Variants in ZFAND3 observed in about 807,000 individuals in gnomAD.
ZFAND3 encodes AN1-type zinc finger protein 3.
In ZFAND3, 10 loss-of-function variants were observed where a neutral mutation model predicts 29.6. That is an observed-to-expected ratio of 0.34 (90% CI 0.21 to 0.57). ZFAND3 has a LOEUF of 0.57. ZFAND3 is among the 20% of genes least tolerant of loss of function. The pLI is 0.86. For synonymous variants in ZFAND3, 128 were observed against 112.6 expected (o/e 1.14, Z -0.87); for missense variants, 230 against 304.5 (o/e 0.76, Z 1.82).
intron 2 of ZFAND3, among the ~76,000 whole-genome samples, chr6:38,020,814 A>G (rs1763335827): frequency 6.6e-6 from 1 of 152,150 alleles, no homozygotes; most frequent in Non-Finnish European, 1.5e-5. Context: ...TATGTCCACT[A>G]CTTTCCACCT....
chr6:38,056,300 A>C (rs1209005747), intron 2 of ZFAND3, among the ~76,000 whole-genome samples: 1 of 152,230 alleles, frequency 6.6e-6, no homozygotes, highest in East Asian at 1.9e-4. Context: ...CCTTGCTAAG[A>C]GGAAAAAAAT....
chr6:37,991,170 C>T (rs1762752280), intron 2 of ZFAND3, among the ~76,000 whole-genome samples: 1 of 152,092 alleles, frequency 6.6e-6, no homozygotes, highest in Non-Finnish European at 1.5e-5. Context: ...TTCTTAAAAG[C>T]TAGTCACGTG....
At chr6:37,830,549 C>T (rs1763841253) in intron 1 of ZFAND3, among the ~76,000 whole-genome samples, 2 of 152,196 alleles carry the variant, frequency 1.3e-5, no homozygotes, top group Admixed American at 1.3e-4. Context: ...CAGCAGCTTT[C>T]AGCAAAATTG....
chr6:37,831,025 T>C (rs1476444211), intron 1 of ZFAND3, among the ~76,000 whole-genome samples: 1 of 152,160 alleles, frequency 6.6e-6, no homozygotes, highest in Non-Finnish European at 1.5e-5. Context: ...TGATCTCTTA[T>C]CTCCAGAAAA....
chr6:37,954,324 A>T (rs1762048751), intron 2 of ZFAND3, among the ~76,000 whole-genome samples: 1 of 152,174 alleles, frequency 6.6e-6, no homozygotes, highest in African/African-American at 2.4e-5. Flanking sequence ...CCATCACTTG[A>T]AGGAGATAAC....
chr6:37,830,949 C>G (rs1763848834), intron 1 of ZFAND3, among the ~76,000 whole-genome samples: 1 of 152,080 alleles, frequency 6.6e-6, no homozygotes, highest in African/African-American at 2.4e-5. Context: ...TGCTGAGAGG[C>G]TGATGAAGGG....
At chr6:37,931,079 G>T (rs1761585555) in intron 2 of ZFAND3, among the ~76,000 whole-genome samples, 1 of 152,172 alleles carries the variant, frequency 6.6e-6, no homozygotes, top group Non-Finnish European at 1.5e-5. Flanking sequence ...GTGCCTGTTA[G>T]CTGACACTGT....
At chr6:37,870,292 C>CA (rs1174577231) in intron 1 of ZFAND3, among the ~76,000 whole-genome samples, 635 of 33,430 alleles carry the variant, frequency 0.019, 120 homozygotes, top group African/African-American at 0.045. Flanking sequence ...GAGACTGTCT[C>CA]AAAAAAAAAA....
intron 1 of ZFAND3, among the ~76,000 whole-genome samples, chr6:37,858,390 G>T (rs376981915): frequency 6.6e-6 from 1 of 152,228 alleles, no homozygotes; most frequent in Non-Finnish European, 1.5e-5. Context: ...ACATGTGGTT[G>T]TAAGAAGGGT....
At chr6:37,908,548 A>AG (rs1189881818) in intron 1 of ZFAND3, among the ~76,000 whole-genome samples, 1 of 114,310 alleles carries the variant, frequency 8.7e-6, no homozygotes, top group Non-Finnish European at 1.7e-5. Context: ...AAATTAAAAA[A>AG]AAAAAAAAAA....
chr6:38,082,409 A>G lies in ZFAND3; in HGVS notation c.313A>G (p.Thr105Ala), dbSNP rs367860851. Residue 105 changes from threonine to alanine, a missense_variant, in exon 4 of 6, where the codon ACA (threonine) becomes GCA (alanine). Around this residue, in one of 2 missense-constraint regions of ZFAND3, gnomAD observed 180 missense variants for 202.5 expected, o/e 0.89. Coordinates refer to ENST00000287218, the MANE Select transcript of ZFAND3 (RefSeq NM_021943.3). The part of the protein sequence containing the change: ...SKEECGPCTD[T>A]AHVSLITPTK... ...GTTTCTAGGTGGGCCATGCACAGAC[A>G]CAGCTCATGTCTCATTAATCACACC... 227 of 1,612,106 alleles carry G rather than the reference A, an allele frequency of 1.4e-4. No homozygotes were observed. The highest frequency in any genetic ancestry group is 1.6e-4 in the Non-Finnish European group (194 of 1,178,956).
chr6:38,053,399 C>T lies in ZFAND3; in HGVS notation c.113-8194C>T, dbSNP rs146567346. Among the ~76,000 whole-genome samples the T allele has an allele frequency of 6.4e-3, 956 of 150,524 alleles. 6 individuals are homozygous for T. The highest frequency in any genetic ancestry group is 0.017 in the Middle Eastern group (5 of 294). ...ACAAAGATTTCAATTAAGATGTTAT[C>T]GAGTCTGGGCATGGTGTCTCATTCC... On this transcript the variant is annotated intron_variant, in intron 2 of 5. Transcript: ENST00000287218.
At position 37,869,003 on chromosome 6, in the gene ZFAND3, A is replaced by C. The variant is rs115349503; in HGVS notation, c.71+48987A>C. On this transcript the variant is annotated intron_variant, in intron 1 of 5. Coordinates refer to ENST00000287218, the MANE Select transcript of ZFAND3 (RefSeq NM_021943.3). ...GATAACAAATTCAGTTAGTAGAGTT[A>C]GGGCTATTAGGATTTTTTAGTCTAT... 9.4e-3 allele frequency among the ~76,000 whole-genome samples: 1,433 copies of C among 152,336 alleles called. 18 individuals are homozygous for C. The highest frequency in any genetic ancestry group is 0.033 in the African/African-American group (1,379 of 41,570).
chr6:38,052,061 G>A (rs1222965105), intron 2 of ZFAND3, among the ~76,000 whole-genome samples: 1 of 152,168 alleles, frequency 6.6e-6, no homozygotes, highest in Non-Finnish European at 1.5e-5. Flanking sequence ...TAATTTCAGT[G>A]ATAAACTAGA....
At chr6:37,916,904 A>G (rs891710398) in intron 1 of ZFAND3, among the ~76,000 whole-genome samples, 4 of 152,296 alleles carry the variant, frequency 2.6e-5, no homozygotes, top group Non-Finnish European at 5.9e-5. Flanking sequence ...TAACCACACT[A>G]TGTATACACT....
intron 4 of ZFAND3, among the ~76,000 whole-genome samples, chr6:38,094,190 G>A (rs1343634114): frequency 6.6e-6 from 1 of 152,258 alleles, no homozygotes; most frequent in East Asian, 1.9e-4. Context: ...AGAGCTGAGG[G>A]TATAAGGAAG....
chr6:38,145,147 C>T (rs1766077312), intron 5 of ZFAND3, among the ~76,000 whole-genome samples: 2 of 152,190 alleles, frequency 1.3e-5, no homozygotes, highest in Non-Finnish European at 2.9e-5. Flanking sequence ...TCCTGCTCCA[C>T]CCACCTCTCC....
chr6:37,913,391 A>T (rs1765557111), intron 1 of ZFAND3, among the ~76,000 whole-genome samples: 1 of 152,230 alleles, frequency 6.6e-6, no homozygotes, highest in African/African-American at 2.4e-5. Flanking sequence ...AACTCAAGAA[A>T]CCATTTTCAT....
chr6:38,080,536 A>G (rs1395528681), intron 3 of ZFAND3, among the ~76,000 whole-genome samples: 2 of 152,142 alleles, frequency 1.3e-5, no homozygotes, highest in East Asian at 1.9e-4. Context: ...ATGATTCATC[A>G]AAAGTCGCTT....
Sources: gnomAD v4.1 joint callset for allele counts (sites outside exome capture counted in the v4.1 genomes callset) on GRCh38, gnomAD v4.1.1 for gene constraint, gnomAD v4.1.1 regional missense constraint, MANE v1.5 for transcripts, NCBI Gene and HGNC (gene_info 2026-07-23, HGNC 2026-07-21) for gene names.